Variants in PTPN11 observed in about 807,000 individuals in gnomAD.
PTPN11 encodes tyrosine-protein phosphatase non-receptor type 11.
PTPN11 carries 6 observed loss-of-function variants against 78.8 expected under a neutral mutation model. The ratio of observed to expected loss-of-function variants is 0.08; its 90% CI spans 0.04 to 0.15. The LOEUF (loss-of-function observed/expected upper bound fraction) is 0.15, where lower values mean the gene tolerates loss of function less well. Ranked by LOEUF, PTPN11 falls within the 10% of genes least tolerant of loss-of-function variation. The pLI is 1.00. For missense variants in PTPN11, 386 were observed against 744.8 expected (o/e 0.52, Z 5.61); for synonymous variants, 221 against 263.5 (o/e 0.84, Z 1.56).
chr12:112,454,463 T>C, intron 4 of PTPN11, 101 bp from the exon 5 acceptor site: 1 of 883,072 alleles, frequency 1.1e-6, no homozygotes, highest in South Asian at 1.3e-5. Flanking sequence ...CTCTATATAC[T>C]AGCTATTGTG....
At chr12:112,488,879 C>A in intron 12 of PTPN11, 145 bp from the exon 13 acceptor site, 1 of 1,209,404 alleles carries the variant, frequency 8.3e-7, no homozygotes, top group Non-Finnish European at 1.2e-6. Context: ...GTCAGAAGTT[C>A]AACACTGTAG....
Position 112,419,044 on chromosome 12 carries a change from A to G in PTPN11, c.-68A>G. On this transcript the variant is annotated 5_prime_UTR_variant, in exon 1 of 16. The change abolishes an upstream ATG in the 5' untranslated region. Transcript: ENST00000351677. ...AGCGGGCCTCCCTCGGGCCAGCCCG[A>G]TGTGACCGAGCCCAGCGGAGCCTGA... 6.5e-7 allele frequency: 1 copy of G among 1,531,802 alleles called. No individual in the cohort carries two copies. Among genetic ancestry groups the G allele is most frequent in the Non-Finnish European group, 8.8e-7 (1 of 1,141,654 alleles). The allele number at this position is 1,531,802 out of a possible 1,614,324, so 94.9% of individuals were successfully genotyped here.
chr12:112,424,868 TG>T (rs1250146163), intron 1 of PTPN11, among the ~76,000 whole-genome samples: 2 of 120,850 alleles, frequency 1.7e-5, no homozygotes, highest in East Asian at 5.6e-4. Context: ...TCAGGCTAAT[TG>T]TGTGTGTGTG....
rs1353592762 is a variant in PTPN11, at chr12:112,509,410, GTTTA to G, written c.*3624_*3627del. 1 of 152,562 alleles carries G rather than the reference GTTTA, an allele frequency of 6.6e-6. No individual in the cohort carries two copies. Among genetic ancestry groups the G allele is most frequent in the African/African-American group, 2.4e-5 (1 of 41,430 alleles). 9.5% of individuals were successfully genotyped at this position (152,562 alleles called of 1,614,324 possible). A position where few individuals can be genotyped will look rare whatever the true frequency, so the allele number is the denominator to read the frequency against. On this transcript the variant is annotated 3_prime_UTR_variant, in exon 16 of 16. Transcript: ENST00000351677. ...AAATCATGTAATTAATAATTTGCCT[GTTTA>G]TTTATGACCTAATTGTGATTCTTTT...
At chr12:112,492,377 T>C (rs1226495476) in intron 13 of PTPN11, among the ~76,000 whole-genome samples, 2 of 152,136 alleles carry the variant, frequency 1.3e-5, no homozygotes, top group East Asian at 3.9e-4. Context: ...AAAAGTAGTA[T>C]TTTTGCTACA....
chr12:112,453,941 C>T (rs746931213), intron 4 of PTPN11, among the ~76,000 whole-genome samples: 1 of 151,818 alleles, frequency 6.6e-6, no homozygotes, highest in South Asian at 2.1e-4. Context: ...AACTACTGTG[C>T]CTGATCCAAA....
chr12:112,472,872 T>C (rs1251101641), intron 6 of PTPN11, 72 bp from the exon 7 acceptor site: 4 of 1,174,912 alleles, frequency 3.4e-6, no homozygotes, highest in African/African-American at 1.5e-5. Context: ...AAAGAAGTAA[T>C]GCTGATCCAG....
intron 6 of PTPN11, among the ~76,000 whole-genome samples, chr12:112,461,781 A>T (rs2038252424): frequency 6.6e-6 from 1 of 151,318 alleles, no homozygotes; most frequent in South Asian, 2.1e-4. Flanking sequence ...GCCTGGTCAG[A>T]TTTTTTTTTC....
chr12:112,462,028 G>A (rs776599887), intron 6 of PTPN11, among the ~76,000 whole-genome samples: 9 of 151,480 alleles, frequency 5.9e-5, no homozygotes, highest in Admixed American at 1.3e-4. Context: ...TTTTTTTTGC[G>A]CTTTTCAAAA....
intron 11 of PTPN11, 89 bp downstream of exon 11, chr12:112,486,718 T>G (rs2038683606): frequency 6.4e-7 from 1 of 1,559,984 alleles, no homozygotes; most frequent in Non-Finnish European, 8.7e-7. Flanking sequence ...TCCTAGCTCT[T>G]TAACTGTAGG....
chr12:112,502,659 A>G (rs1220456872), intron 14 of PTPN11, among the ~76,000 whole-genome samples: 1 of 152,230 alleles, frequency 6.6e-6, no homozygotes, highest in Non-Finnish European at 1.5e-5. Flanking sequence ...AGGCAGGAGA[A>G]TCGCTTGAAC....
chr12:112,467,892 C>T (rs2038355139), intron 6 of PTPN11, among the ~76,000 whole-genome samples: 1 of 152,116 alleles, frequency 6.6e-6, no homozygotes, highest in Non-Finnish European at 1.5e-5. Context: ...CACCACCTTC[C>T]TTTAGGCCCC....
chr12:112,458,985 A>G (rs1184739285), intron 6 of PTPN11, among the ~76,000 whole-genome samples: 3 of 152,218 alleles, frequency 2.0e-5, no homozygotes, highest in South Asian at 4.1e-4. Flanking sequence ...GTGAGCTGAG[A>G]TCACGTCACT....
At chr12:112,497,504 A>C (rs1366527082) in intron 13 of PTPN11, among the ~76,000 whole-genome samples, 1 of 152,194 alleles carries the variant, frequency 6.6e-6, no homozygotes, top group Non-Finnish European at 1.5e-5. Flanking sequence ...CCGTGCCCCT[A>C]TGTGCCCTAT....
chr12:112,441,448 A>G (rs968877440), intron 1 of PTPN11, among the ~76,000 whole-genome samples: 1 of 148,786 alleles, frequency 6.7e-6, no homozygotes, highest in East Asian at 2.0e-4. Flanking sequence ...TTTTTTGTAG[A>G]GACAGGGTTT....
In PTPN11 at chr12:112,482,003, G is replaced by A. The variant is rs955994197; in HGVS notation, c.1093-71G>A. On this transcript the variant is annotated intron_variant, in intron 9 of 15. Transcript: ENST00000351677. This position sits in a 1 kb window ranked among gnomAD's most constrained non-coding sequence, Gnocchi z 4.4. ...GTTATTAAGCAAGACTTGAACATTT[G>A]TTTGTTGCTTGTTTAGGCTTTTATT... 2 of 1,472,112 alleles carry A rather than the reference G, an allele frequency of 1.4e-6. No individual in the cohort carries two copies. The highest frequency in any genetic ancestry group is 1.9e-6 in the Non-Finnish European group (2 of 1,056,884). 91.2% of individuals were successfully genotyped at this position (1,472,112 alleles called of 1,614,324 possible). A position where few individuals can be genotyped will look rare whatever the true frequency, so the allele number is the denominator to read the frequency against.
intron 12 of PTPN11, among the ~76,000 whole-genome samples, chr12:112,488,820 A>T (rs2038711091): frequency 6.6e-6 from 1 of 152,170 alleles, no homozygotes; most frequent in Non-Finnish European, 1.5e-5. Context: ...GGGAATCCTG[A>T]CTTCTGCCAC....
At chr12:112,443,060 C>T (rs938243623) in intron 1 of PTPN11, among the ~76,000 whole-genome samples, 13 of 150,606 alleles carry the variant, frequency 8.6e-5, no homozygotes, top group Admixed American at 6.7e-4. Context: ...CTCCAAAATA[C>T]TTCAGTGTGT....
rs1194750915 is a variant in PTPN11 at position 112,436,056 on chromosome 12, T to G, written c.15-10220T>G. Among the ~76,000 whole-genome samples the G allele has an allele frequency of 2.0e-5, 3 of 152,012 alleles. No individual in the cohort carries two copies. In the East Asian group the frequency reaches 5.8e-4, roughly 29 times the overall value. ...ATATTTTGAAAAAAGAAAAAAAAAT[T>G]CAGTTGTGTTCTGCTTTAAAAAGAC... On this transcript the variant is annotated intron_variant, in intron 1 of 15. Coordinates refer to ENST00000351677, the MANE Select transcript of PTPN11 (RefSeq NM_002834.5).
Sources: allele counts gnomAD v4.1 joint callset (sites outside exome capture counted in the v4.1 genomes callset), GRCh38; gene constraint gnomAD v4.1.1; non-coding constraint Gnocchi (gnomAD v3.1); transcripts MANE v1.5; gene names NCBI Gene and HGNC (gene_info 2026-07-23, HGNC 2026-07-21).